Variants in CPE observed in about 807,000 individuals in gnomAD.
The protein encoded by CPE is carbocypeptidase E.
CPE carries 17 observed loss-of-function variants against 53.5 expected under a neutral mutation model. That is an observed-to-expected ratio of 0.32 (90% CI 0.22 to 0.48). The LOEUF (loss-of-function observed/expected upper bound fraction) is 0.48, where lower values mean the gene tolerates loss of function less well. CPE is among the 20% of genes least tolerant of loss of function. The pLI is 0.99. For synonymous variants in CPE, 226 were observed against 228.8 expected (o/e 0.99, Z 0.11); for missense variants, 524 against 614.7 (o/e 0.85, Z 1.56).
At chr4:165,495,284 C>G (rs1732687406) in intron 7 of CPE, among the ~76,000 whole-genome samples, 2 of 151,958 alleles carry the variant, frequency 1.3e-5, no homozygotes, top group African/African-American at 2.4e-5. Flanking sequence ...CTGTGTTGCT[C>G]CTGATGTGAT....
At chr4:165,492,864 G>A (rs1732631497) in intron 6 of CPE, among the ~76,000 whole-genome samples, 1 of 152,086 alleles carries the variant, frequency 6.6e-6, no homozygotes, top group South Asian at 2.1e-4. Flanking sequence ...GCAGAAATTG[G>A]GCATAAGACA....
intron 1 of CPE, among the ~76,000 whole-genome samples, chr4:165,386,957 A>G (rs1730603940): frequency 6.6e-6 from 1 of 152,222 alleles, no homozygotes; most frequent in Non-Finnish European, 1.5e-5. Context: ...TATCCGAGCT[A>G]CGTGATGGGT....
chr4:165,461,337 G>A (rs115237596), intron 1 of CPE, among the ~76,000 whole-genome samples: 22 of 152,104 alleles, frequency 1.4e-4, no homozygotes, highest in Non-Finnish European at 2.4e-4. Context: ...GACGAGCCTC[G>A]TGGCTGAAAG....
intron 1 of CPE, among the ~76,000 whole-genome samples, chr4:165,464,062 A>T (rs980143332): frequency 6.6e-6 from 1 of 152,108 alleles, no homozygotes; most frequent in African/African-American, 2.4e-5. Context: ...TCCTCTTTTT[A>T]TAAAGATGAC....
At chr4:165,458,547 T>G (rs1313759934) in intron 1 of CPE, among the ~76,000 whole-genome samples, 1 of 152,236 alleles carries the variant, frequency 6.6e-6, no homozygotes, top group Non-Finnish European at 1.5e-5. Flanking sequence ...AGAATTCTGT[T>G]ACTATAATCA....
intron 1 of CPE, among the ~76,000 whole-genome samples, chr4:165,416,722 G>T (rs1731130107): frequency 6.6e-6 from 1 of 151,790 alleles, no homozygotes; most frequent in South Asian, 2.1e-4. Context: ...ATATAGGTTT[G>T]TCCTAGATAG....
intron 1 of CPE, among the ~76,000 whole-genome samples, chr4:165,462,631 A>G (rs1278603013): frequency 6.6e-6 from 1 of 152,186 alleles, no homozygotes; most frequent in Non-Finnish European, 1.5e-5. Flanking sequence ...AGAAAGGAAG[A>G]AGGTTATTAT....
At chr4:165,432,449 C>T (rs1477812347) in intron 1 of CPE, among the ~76,000 whole-genome samples, 1 of 152,080 alleles carries the variant, frequency 6.6e-6, no homozygotes, top group East Asian at 1.9e-4. Flanking sequence ...GTGTGTGCCA[C>T]CATGCCTGGC....
chr4:165,381,490 A>C (rs1019597172), intron 1 of CPE: 2 of 349,390 alleles, frequency 5.7e-6, no homozygotes, highest in Non-Finnish European at 1.1e-5. Context: ...ACGTTGATTG[A>C]ATTCCTCTTA....
intron 1 of CPE, among the ~76,000 whole-genome samples, chr4:165,446,533 T>C (rs1731717385): frequency 1.3e-5 from 2 of 152,192 alleles, no homozygotes. Context: ...AGGGTCTTGC[T>C]CTGTCACCCA....
intron 3 of CPE, among the ~76,000 whole-genome samples, chr4:165,479,754 G>A (rs1324413714): frequency 6.6e-6 from 1 of 151,912 alleles, no homozygotes; most frequent in Non-Finnish European, 1.5e-5. Flanking sequence ...CACTTTGGGA[G>A]GCCGAGGCGG....
intron 1 of CPE, among the ~76,000 whole-genome samples, chr4:165,430,262 A>G (rs11735569): frequency 0.3 from 44,838 of 151,992 alleles, 6,682 homozygotes; most frequent in Middle Eastern, 0.39. Flanking sequence ...TTAGTCATAC[A>G]TACTACAGGA....
At chr4:165,397,170 G>A (rs547077484) in intron 1 of CPE, among the ~76,000 whole-genome samples, 1 of 152,170 alleles carries the variant, frequency 6.6e-6, no homozygotes, top group Non-Finnish European at 1.5e-5. Context: ...GAAATAGAAA[G>A]GCCAAGGAAA....
At chr4:165,380,186 G>A (rs997132468) in intron 1 of CPE, among the ~76,000 whole-genome samples, 4 of 152,118 alleles carry the variant, frequency 2.6e-5, no homozygotes, top group Non-Finnish European at 2.9e-5. Context: ...ATAAAGATAC[G>A]TTGGTGCCCC....
intron 1 of CPE, among the ~76,000 whole-genome samples, chr4:165,457,887 CTACCCCCTCGTGT>C (rs1731930319): frequency 6.6e-6 from 1 of 152,090 alleles, no homozygotes; most frequent in South Asian, 2.1e-4. Context: ...TGTAACCATC[CTACCCCCTCGTGT>C]TGTTTATTGG....
chr4:165,435,914 C>A (rs1268523167), intron 1 of CPE, among the ~76,000 whole-genome samples: 1 of 152,136 alleles, frequency 6.6e-6, no homozygotes, highest in Non-Finnish European at 1.5e-5. Context: ...ATTGGACACA[C>A]AGTTGACCCT....
chr4:165,387,779 G>A (rs1196761334), intron 1 of CPE, among the ~76,000 whole-genome samples: 1 of 152,112 alleles, frequency 6.6e-6, no homozygotes, highest in Non-Finnish European at 1.5e-5. Context: ...CTGCACTCCA[G>A]CCTGGGCGCA....
chr4:165,452,698 C>T (rs1731833048), intron 1 of CPE, among the ~76,000 whole-genome samples: 1 of 152,130 alleles, frequency 6.6e-6, no homozygotes, highest in Admixed American at 6.5e-5. Flanking sequence ...TCAGCCTGTA[C>T]CTTCATGGCC....
In CPE at chr4:165,379,364, G is replaced by A. The variant is rs746615737; in HGVS notation, c.143G>A (p.Gly48Asp). 1 of 1,601,182 alleles carries A rather than the reference G, an allele frequency of 6.2e-7. No individual in the cohort carries two copies. The highest frequency in any genetic ancestry group is 1.1e-5 in the South Asian group (1 of 89,566). The change falls in exon 1 of 9, where the codon GGC (glycine) becomes GAC (aspartate). Residue 48 changes from glycine (G) to aspartate (D), a missense_variant. Gly to Asp is a moderately conservative substitution (Grantham distance 94). Coordinates refer to ENST00000402744, the MANE Select transcript of CPE (RefSeq NM_001873.4). The surrounding 1 kb of genome is among the most constrained non-coding windows in gnomAD (Gnocchi z 6.0). ...CGCCGGCGGCTGCAGCAAGAGGACGGCATCTCCTTCGAGTACCACCGCTAC... is the reference window on the plus strand; with the variant it reads ...CGCCGGCGGCTGCAGCAAGAGGACGACATCTCCTTCGAGTACCACCGCTAC... ...RRRRRLQQEDGISFEYHRYPE... is the reference protein window; with the variant it reads ...RRRRRLQQEDDISFEYHRYPE...
Sources: gnomAD v4.1 joint callset for allele counts (sites outside exome capture counted in the v4.1 genomes callset) on GRCh38, gnomAD v4.1.1 for gene constraint, Gnocchi (gnomAD v3.1) non-coding constraint, MANE v1.5 for transcripts, NCBI Gene and HGNC (gene_info 2026-07-23, HGNC 2026-07-21) for gene names.